POLN: variants seen among roughly 807,000 people sequenced by gnomAD.
The protein encoded by POLN is DNA polymerase N.
Under a neutral mutation model 113.5 loss-of-function variants are expected in POLN, and 108 were observed. That is an observed-to-expected ratio of 0.95 (90% CI 0.81 to 1.12). The LOEUF is 1.12. Ranked by LOEUF, POLN falls within the 50% of genes most tolerant of loss-of-function variation. The pLI, the probability that POLN is intolerant of heterozygous loss-of-function variation, is 0.00. For synonymous variants in POLN, 386 were observed against 391.5 expected (o/e 0.99, Z 0.17); for missense variants, 1,097 against 1,077.1 (o/e 1.02, Z -0.26).
In POLN at chr4:2,080,986, C is replaced by T. The variant is rs1577679290; in HGVS notation, c.2359G>A (p.Val787Met). 3 of 1,613,918 alleles carry T rather than the reference C, an allele frequency of 1.9e-6. No homozygotes were observed. The highest frequency in any genetic ancestry group is 2.5e-6 in the Non-Finnish European group (3 of 1,179,976). ...GCCGTCAAGGTGTGGGAAGCAGCCA[C>T]TGCAGTGAAGACATGGATCATGGCC... ...KLAMIHVFTA[V>M]AASHTLTARL... is the part of the protein sequence containing the mutation. The change falls in exon 23 of 26, where the codon GTG becomes ATG. Residue 787 changes from valine (V) to methionine (M), a missense_variant. Transcript: ENST00000511885.
At chr4:2,175,376 A>G (rs2108749112) in intron 9 of POLN, among the ~76,000 whole-genome samples, 1 of 152,052 alleles carries the variant, frequency 6.6e-6, no homozygotes, top group East Asian at 1.9e-4. Flanking sequence ...AATTTTCTTC[A>G]CTCTTTTTCA....
At chr4:2,121,327 C>A (rs1731434579) in intron 19 of POLN, among the ~76,000 whole-genome samples, 1 of 151,782 alleles carries the variant, frequency 6.6e-6, no homozygotes, top group Non-Finnish European at 1.5e-5. Flanking sequence ...CCCAGCTACT[C>A]CGGAGGCTGA....
At chr4:2,106,156 A>G (rs1731061917) in intron 19 of POLN, among the ~76,000 whole-genome samples, 1 of 152,192 alleles carries the variant, frequency 6.6e-6, no homozygotes, top group Non-Finnish European at 1.5e-5. Flanking sequence ...ATAATGAAAA[A>G]AAAATGAATC....
intron 6 of POLN, among the ~76,000 whole-genome samples, chr4:2,193,992 C>T (rs973593634): frequency 1.1e-4 from 16 of 152,198 alleles, no homozygotes; most frequent in African/African-American, 3.4e-4. Context: ...ATGGGACTCA[C>T]AATTGTTAAA....
chr4:2,088,089 A>T (rs1448251453), intron 20 of POLN, among the ~76,000 whole-genome samples: 2 of 152,226 alleles, frequency 1.3e-5, no homozygotes, highest in Non-Finnish European at 2.9e-5. Context: ...AATAATTCAC[A>T]TATAAATCCA....
intron 3 of POLN, among the ~76,000 whole-genome samples, chr4:2,218,402 G>A (rs1209243531): frequency 6.6e-6 from 1 of 151,876 alleles, no homozygotes; most frequent in Non-Finnish European, 1.5e-5. Context: ...CTGAGATTGT[G>A]CCATTGCACT....
At chr4:2,195,914 A>C (rs1733561633) in intron 6 of POLN, among the ~76,000 whole-genome samples, 2 of 152,152 alleles carry the variant, frequency 1.3e-5, no homozygotes, top group Non-Finnish European at 1.5e-5. Flanking sequence ...TAAGTGATTT[A>C]GATGATCCTA....
intron 3 of POLN, among the ~76,000 whole-genome samples, chr4:2,215,364 G>A (rs1344063467): frequency 6.6e-6 from 1 of 152,120 alleles, no homozygotes; most frequent in African/African-American, 2.4e-5. Context: ...GGGTACCCTG[G>A]GAGACCACCT....
intron 20 of POLN, chr4:2,090,266 T>C (rs747898381): frequency 1.1e-5 from 9 of 798,640 alleles, no homozygotes; most frequent in African/African-American, 1.7e-5. Flanking sequence ...CCAGAACCTC[T>C]GACAAAGGCT....
At chr4:2,184,945 T>G (rs1254674535) in intron 7 of POLN, among the ~76,000 whole-genome samples, 1 of 152,216 alleles carries the variant, frequency 6.6e-6, no homozygotes, top group Non-Finnish European at 1.5e-5. Context: ...TTCATTATTT[T>G]GAAAACGGGT....
chr4:2,231,653 T>C (rs1734583516), intron 2 of POLN: 1 of 212,794 alleles, frequency 4.7e-6, no homozygotes. Flanking sequence ...GAGATAACTA[T>C]ATTAAAAAAT....
intron 16 of POLN, chr4:2,139,688 A>G (rs1731947625): frequency 6.6e-6 from 1 of 152,242 alleles, no homozygotes; most frequent in South Asian, 2.1e-4. Context: ...TTTAGCAGTA[A>G]TTATGTGGTA....
At chr4:2,182,832 A>C (rs1382608940) in intron 7 of POLN, among the ~76,000 whole-genome samples, 2 of 152,186 alleles carry the variant, frequency 1.3e-5, no homozygotes, top group Non-Finnish European at 2.9e-5. Context: ...CCTTAAAAAA[A>C]AAAAAGTGTG....
At chr4:2,098,848 G>A (rs1730857238) in intron 19 of POLN, among the ~76,000 whole-genome samples, 1 of 152,184 alleles carries the variant, frequency 6.6e-6, no homozygotes, top group South Asian at 2.1e-4. Context: ...CATACAAGAT[G>A]AACCTGGAAT....
intron 19 of POLN, among the ~76,000 whole-genome samples, chr4:2,096,730 G>GACAC (rs60528241): frequency 2.1e-5 from 3 of 145,550 alleles, no homozygotes; most frequent in African/African-American, 7.7e-5. Context: ...GAGAGAGAGA[G>GACAC]ACACACAGAG....
intron 7 of POLN, among the ~76,000 whole-genome samples, chr4:2,179,791 C>A (rs34904460): frequency 0.085 from 12,933 of 152,204 alleles, 847 homozygotes; most frequent in African/African-American, 0.17. Context: ...AAGTCAGAGT[C>A]GTGGGTCATG....
chr4:2,179,332 A>G lies in POLN; in HGVS notation c.1155T>C (p.Tyr385=), dbSNP rs2108750751. The change falls in exon 8 of 26, where the codon TAT becomes TAC. Residue 385 remains tyrosine, a synonymous_variant. Transcript: ENST00000511885. ...KSITVKVNST[Y]GNSSRNIVNQ... is the part of the protein sequence containing the mutation. ...CCACAATATTTCTTGAGGAATTTCC[A>G]TATGTGCTGTTCACTTTAACTGTAA... The G allele has an allele frequency of 2.5e-6, 4 of 1,612,944 alleles. No homozygotes were observed. In the South Asian group the frequency reaches 4.4e-5, roughly 18 times the overall value.
At chr4:2,222,809 G>A (rs143448042) in intron 3 of POLN, among the ~76,000 whole-genome samples, 286 of 151,452 alleles carry the variant, frequency 1.9e-3, no homozygotes, top group African/African-American at 6.6e-3. Context: ...TGTCCCAGCT[G>A]GTGCAGCTGC....
At position 2,127,682 on chromosome 4, in the gene POLN, T is replaced by C. The variant is rs891317267; in HGVS notation, c.1982+431A>G. On this transcript the variant is annotated intron_variant, in intron 19 of 25. Coordinates refer to ENST00000511885, the MANE Select transcript of POLN (RefSeq NM_181808.4). This position sits in a 1 kb window ranked among gnomAD's most constrained non-coding sequence, Gnocchi z 4.7. ...ATCTGCCTCTGGAATTCTCTGTGAG[T>C]GTAAGCCACTCAGGCAGGATCTTTC... Among the ~76,000 whole-genome samples the C allele has an allele frequency of 6.6e-6, 1 of 152,118 alleles. No individual in the cohort carries two copies.
Sources: gnomAD v4.1 joint callset for allele counts (sites outside exome capture counted in the v4.1 genomes callset) on GRCh38, gnomAD v4.1.1 for gene constraint, Gnocchi (gnomAD v3.1) non-coding constraint, MANE v1.5 for transcripts, NCBI Gene and HGNC (gene_info 2026-07-23, HGNC 2026-07-21) for gene names.